The following THRAP3 variants were observed in gnomAD, a reference collection of about 807,000 sequenced individuals.
THRAP3 encodes the protein thyroid hormone receptor-associated protein 3.
THRAP3 carries 16 observed loss-of-function variants against 101.0 expected under a neutral mutation model. That is an observed-to-expected ratio of 0.16 (90% CI 0.11 to 0.24). THRAP3 has a LOEUF of 0.24. Ranked by LOEUF, THRAP3 falls within the 10% of genes least tolerant of loss-of-function variation. The pLI, the probability that THRAP3 is intolerant of heterozygous loss-of-function variation, is 1.00. For synonymous variants in THRAP3, 407 were observed against 422.6 expected, an observed-to-expected ratio of 0.96 and a Z score of 0.45; for missense variants, 989 against 1,202.7, an observed-to-expected ratio of 0.82 and a Z score of 2.63.
chr1:36,264,929 T>C (rs1645494138), intron 2 of THRAP3, among the ~76,000 whole-genome samples: 1 of 152,144 alleles, frequency 6.6e-6, no homozygotes, highest in Admixed American at 6.6e-5. Context: ...GATTGGTTCT[T>C]CTAGAGAGCC....
chr1:36,302,371 GA>G (rs1257711454), intron 11 of THRAP3, among the ~76,000 whole-genome samples: 2 of 152,222 alleles, frequency 1.3e-5, no homozygotes, highest in African/African-American at 4.8e-5. Flanking sequence ...GGACAGCTAG[GA>G]AACAGGTTGT....
chr1:36,219,607 T>A (rs970296006), upstream of THRAP3, among the ~76,000 whole-genome samples: 1 of 151,184 alleles, frequency 6.6e-6, no homozygotes, highest in Non-Finnish European at 1.5e-5. Flanking sequence ...TTTTTTTTTT[T>A]AAAGTAGAGA....
At chr1:36,288,910 G>T (rs775440853) in intron 4 of THRAP3, 150 bp from the exon 5 acceptor site, 28 of 1,290,788 alleles carry the variant, frequency 2.2e-5, no homozygotes, top group Non-Finnish European at 2.0e-5. Context: ...AAATTATTAC[G>T]AAGTAACCGC....
chr1:36,232,380 T>C lies in THRAP3; in HGVS notation c.-135+7875T>C, dbSNP rs191329615. ...CAGTTTTGATGTATCTTTGTACACATGTATCTATTACATTGGGAAATGTCC... is the reference window on the plus strand; with the variant it reads ...CAGTTTTGATGTATCTTTGTACACACGTATCTATTACATTGGGAAATGTCC... On this transcript the variant is annotated intron_variant, in intron 1 of 11. Transcript: ENST00000354618. Among the ~76,000 whole-genome samples the C allele has an allele frequency of 1.2e-3, 190 of 152,324 alleles. 1 individual carries two copies. The highest frequency in any genetic ancestry group is 4.0e-3 in the African/African-American group (168 of 41,576).
the THRAP3 span, among the ~76,000 whole-genome samples, chr1:36,211,074 A>T: frequency 6.6e-5 from 10 of 151,400 alleles, no homozygotes; most frequent in African/African-American, 2.4e-4. Context: ...AAACCCGGGC[A>T]TAGTGGTACG....
intron 10 of THRAP3, 59 bp from the exon 11 acceptor site, chr1:36,301,494 G>T (rs935427359): frequency 1.3e-6 from 2 of 1,583,040 alleles, no homozygotes; most frequent in Non-Finnish European, 1.7e-6. Context: ...AAAGCAGGGG[G>T]GTTTGTTCCC....
At chr1:36,216,053 A>T in the THRAP3 span, among the ~76,000 whole-genome samples, 3 of 151,962 alleles carry the variant, frequency 2.0e-5, no homozygotes, top group African/African-American at 7.2e-5. Flanking sequence ...CCAGCCAATA[A>T]AATTTTCTTT....
chr1:36,300,002 G>T (rs1646012110), intron 9 of THRAP3, among the ~76,000 whole-genome samples: 1 of 152,140 alleles, frequency 6.6e-6, no homozygotes, highest in Non-Finnish European at 1.5e-5. Context: ...ATAGGTTACT[G>T]ACATTTGGCT....
intron 1 of THRAP3, among the ~76,000 whole-genome samples, chr1:36,250,195 C>T (rs1000050607): frequency 1.3e-5 from 2 of 151,596 alleles, no homozygotes; most frequent in Non-Finnish European, 2.9e-5. Flanking sequence ...CCAAATAGGC[C>T]CTTAGTGAAT....
At chr1:36,282,468 G>A in intron 2 of THRAP3, 65 bp from the exon 3 acceptor site, 2 of 1,153,812 alleles carry the variant, frequency 1.7e-6, no homozygotes, top group Non-Finnish European at 2.5e-6. Flanking sequence ...TTTCTAAAAT[G>A]TCCAAAGAGG....
intron 2 of THRAP3, among the ~76,000 whole-genome samples, chr1:36,268,390 A>G (rs1329636752): frequency 6.6e-6 from 1 of 152,022 alleles, no homozygotes; most frequent in Non-Finnish European, 1.5e-5. Flanking sequence ...TTGGAATTGA[A>G]CCTCCATGGA....
In THRAP3 at chr1:36,287,120, C is replaced by T. The variant is rs1557448288; in HGVS notation, c.890C>T (p.Thr297Ile). ...LPSGAGYQSG[T>I]HQGQFDHGSG... is the part of the protein sequence containing the mutation. ...AGTGGTGCCGGGTATCAGTCTGGGACACACCAAGGTCAGTTCGACCATGGT... is the reference window on the plus strand; with the variant it reads ...AGTGGTGCCGGGTATCAGTCTGGGATACACCAAGGTCAGTTCGACCATGGT... Residue 297 changes from threonine to isoleucine, a missense_variant, in exon 4 of 12, where the codon ACA becomes ATA. By Grantham distance (89) the Thr-to-Ile change is moderately conservative (BLOSUM62 -1). Coordinates refer to ENST00000354618, the MANE Select transcript of THRAP3 (RefSeq NM_005119.4). 1 of 1,614,178 alleles carries T rather than the reference C, an allele frequency of 6.2e-7. No individual in the cohort carries two copies. Among genetic ancestry groups the T allele is most frequent in the Non-Finnish European group, 8.5e-7 (1 of 1,180,042 alleles).
chr1:36,281,280 A>G (rs577617348), intron 2 of THRAP3, among the ~76,000 whole-genome samples: 20 of 152,284 alleles, frequency 1.3e-4, no homozygotes, highest in African/African-American at 4.3e-4. Flanking sequence ...CTCTGTAACT[A>G]AGTTAAATTG....
rs767030914 is a variant in THRAP3, at chr1:36,286,641, A to G, written c.411A>G (p.Pro137=). 1 of 1,614,052 alleles carries G rather than the reference A, an allele frequency of 6.2e-7. No individual in the cohort carries two copies. Among genetic ancestry groups the G allele is most frequent in the East Asian group, 2.2e-5 (1 of 44,902 alleles). Residue 137 remains proline (P), a synonymous_variant, in exon 4 of 12, where the codon CCA becomes CCG. Transcript: ENST00000354618. The surrounding 1 kb of genome is among the most constrained non-coding windows in gnomAD (Gnocchi z 5.5). ...CCCCAAAGAGAAGGTCCCCTTCACC[A>G]AGGTCCAGGAGCCATTCTAGAAACT... ...SRSPKRRSPS[P]RSRSHSRNSD...
intron 1 of THRAP3, among the ~76,000 whole-genome samples, chr1:36,252,953 T>A (rs1445611989): frequency 7.2e-6 from 1 of 139,258 alleles, no homozygotes; most frequent in East Asian, 2.1e-4. Flanking sequence ...TATATATATA[T>A]ATATATATAT....
chr1:36,296,861 T>A, intron 9 of THRAP3, 91 bp downstream of exon 9: 1 of 1,060,548 alleles, frequency 9.4e-7, no homozygotes, highest in Non-Finnish European at 1.3e-6. Flanking sequence ...TCAGAGGAGT[T>A]TAGGGTTAGT....
rs1263049028 is a variant in THRAP3, at chr1:36,287,029, C to T, written c.799C>T (p.Pro267Ser). ...GGTGGTGAGGCGGCGGTCACCCCGT[C>T]CTAGCCCCGTGCCAAAACCTAGTCC... ...SVVVRRRSPR[P>S]SPVPKPSPPL... Residue 267 changes from proline (P) to serine (S), a missense_variant, in exon 4 of 12, where the codon CCT (proline) becomes TCT (serine). Coordinates refer to ENST00000354618, the MANE Select transcript of THRAP3 (RefSeq NM_005119.4). 5 of 1,613,930 alleles carry T rather than the reference C, an allele frequency of 3.1e-6. No individual in the cohort carries two copies. The highest frequency in any genetic ancestry group is 4.2e-6 in the Non-Finnish European group (5 of 1,179,840).
intron 2 of THRAP3, among the ~76,000 whole-genome samples, chr1:36,275,918 C>T (rs539688622): frequency 6.6e-6 from 1 of 152,194 alleles, no homozygotes; most frequent in South Asian, 2.1e-4. Context: ...ACTCAGGAGA[C>T]TGGGGTGGGC....
chr1:36,290,191 CT>C (rs1645848707), intron 5 of THRAP3, among the ~76,000 whole-genome samples: 1 of 151,906 alleles, frequency 6.6e-6, no homozygotes, highest in Non-Finnish European at 1.5e-5. Flanking sequence ...GATAGTCTCT[CT>C]CTCTCTCTTC....
Sources: allele counts gnomAD v4.1 joint callset (sites outside exome capture counted in the v4.1 genomes callset), GRCh38; gene constraint gnomAD v4.1.1; non-coding constraint Gnocchi (gnomAD v3.1); transcripts MANE v1.5; gene names NCBI Gene and HGNC (gene_info 2026-07-23, HGNC 2026-07-21).